The following FAM185A variants were observed in gnomAD, a reference collection of about 807,000 sequenced individuals.
FAM185A encodes the protein protein FAM185A.
FAM185A carries 21 observed loss-of-function variants against 45.7 expected under a neutral mutation model. The ratio of observed to expected loss-of-function variants is 0.46; its 90% CI spans 0.33 to 0.66. The LOEUF is 0.66. FAM185A is among the 30% of genes least tolerant of loss of function. The pLI is 0.03. For synonymous variants in FAM185A, 117 were observed against 194.0 expected, an observed-to-expected ratio of 0.60 and a Z score of 3.30; for missense variants, 305 against 485.4, an observed-to-expected ratio of 0.63 and a Z score of 3.49.
In FAM185A at chr7:102,808,828, A is replaced by G. The variant is rs1432544166; in HGVS notation, c.*426A>G. ...CTGGCTGTCAGCCAGCAATCACTCTAAGCTTCTAGAGGCCACCCACATGCC... is the reference window on the plus strand; with the variant it reads ...CTGGCTGTCAGCCAGCAATCACTCTGAGCTTCTAGAGGCCACCCACATGCC... On this transcript the variant is annotated 3_prime_UTR_variant, in exon 8 of 8. Coordinates refer to ENST00000413034, the MANE Select transcript of FAM185A (RefSeq NM_001145268.2). 5.9e-6 allele frequency: 1 copy of G among 170,206 alleles called. No homozygotes were observed. Among genetic ancestry groups the G allele is most frequent in the Non-Finnish European group, 1.3e-5 (1 of 79,068 alleles). 10.5% of individuals were successfully genotyped at this position (170,206 alleles called of 1,614,324 possible). A position where few individuals can be genotyped will look rare whatever the true frequency, so the allele number is the denominator to read the frequency against.
the FAM185A span, among the ~76,000 whole-genome samples, chr7:102,822,801 A>G: frequency 2.6e-5 from 4 of 152,212 alleles, no homozygotes; most frequent in African/African-American, 9.7e-5. Flanking sequence ...AGCAAGGCAC[A>G]GTGGCTCATG....
chr7:102,849,684 C>T, the FAM185A span, among the ~76,000 whole-genome samples: 1 of 152,164 alleles, frequency 6.6e-6, no homozygotes, highest in Non-Finnish European at 1.5e-5. Flanking sequence ...AAGTCACTTT[C>T]TCCTCCCCCG....
At chr7:102,765,528 C>T (rs538706806) in intron 4 of FAM185A, among the ~76,000 whole-genome samples, 8 of 151,598 alleles carry the variant, frequency 5.3e-5, no homozygotes, top group South Asian at 2.1e-4. Context: ...ATACTAGTGC[C>T]GAGTACTTAG....
intron 7 of FAM185A, among the ~76,000 whole-genome samples, chr7:102,793,304 C>T (rs774031936): frequency 3.3e-5 from 5 of 152,056 alleles, no homozygotes; most frequent in African/African-American, 4.8e-5. Context: ...CTCTGCCTCC[C>T]GGGTTCCAGG....
At position 102,779,487 on chromosome 7, in the gene FAM185A, C is replaced by T. The variant is rs181003101; in HGVS notation, c.931+2139C>T. Among the ~76,000 whole-genome samples the T allele has an allele frequency of 2.9e-3, 442 of 152,310 alleles. 2 individuals carry two copies. Among genetic ancestry groups the T allele is most frequent in the Non-Finnish European group, 5.1e-3 (347 of 68,016 alleles). On this transcript the variant is annotated intron_variant, in intron 6 of 7. Coordinates refer to ENST00000413034, the MANE Select transcript of FAM185A (RefSeq NM_001145268.2). ...AAGTTAGCACACTTGAAACTTGATA[C>T]ATTTAGACATATCAAGCCCTACAAA...
intron 7 of FAM185A, among the ~76,000 whole-genome samples, chr7:102,798,475 C>A (rs1459241620): frequency 1.1e-4 from 17 of 152,060 alleles, no homozygotes. Context: ...TGTTCTTTTT[C>A]TTGAGAGCAG....
chr7:102,799,486 T>C (rs900189100), intron 7 of FAM185A, among the ~76,000 whole-genome samples: 2 of 152,256 alleles, frequency 1.3e-5, no homozygotes, highest in African/African-American at 4.8e-5. Flanking sequence ...CTAGCACCTT[T>C]TCTTCAGCTG....
chr7:102,750,178 C>G (rs1290157151), intron 1 of FAM185A, among the ~76,000 whole-genome samples: 2 of 152,106 alleles, frequency 1.3e-5, no homozygotes, highest in Non-Finnish European at 2.9e-5. Context: ...CCATGAGTAG[C>G]AAGCTTTGAA....
At chr7:102,838,073 C>G in the FAM185A span, among the ~76,000 whole-genome samples, 25 of 152,184 alleles carry the variant, frequency 1.6e-4, no homozygotes, top group African/African-American at 5.8e-4. Flanking sequence ...TAAGCCCAGT[C>G]CTTCTTCTCA....
At chr7:102,822,536 A>T in the FAM185A span, 1 of 472,976 alleles carries the variant, frequency 2.1e-6, no homozygotes, top group Admixed American at 2.4e-5. Flanking sequence ...ACCTCTTCTA[A>T]ATCTGTTTAC....
At chr7:102,755,294 A>G in intron 2 of FAM185A, 1 of 547,212 alleles carries the variant, frequency 1.8e-6, no homozygotes, top group Admixed American at 3.2e-5. Context: ...CCCAAAAGAG[A>G]CCTCACCTGC....
chr7:102,835,154 C>T, the FAM185A span, among the ~76,000 whole-genome samples: 6 of 152,264 alleles, frequency 3.9e-5, no homozygotes, highest in South Asian at 1.0e-3. Flanking sequence ...ATTCTTTGAT[C>T]TCATGCAGAA....
chr7:102,789,674 C>T (rs571773300), intron 7 of FAM185A, among the ~76,000 whole-genome samples: 147 of 152,356 alleles, frequency 9.6e-4, no homozygotes, highest in Admixed American at 9.6e-3. Flanking sequence ...GCGCCACTGC[C>T]CTCCAGTCTG....
intron 1 of FAM185A, 69 bp from the exon 2 acceptor site, chr7:102,751,623 T>A (rs1793368162): frequency 6.9e-7 from 1 of 1,456,350 alleles, no homozygotes; most frequent in Admixed American, 2.6e-5. Context: ...GAGTTGGGTT[T>A]CTAGGTTAAA....
intron 6 of FAM185A, among the ~76,000 whole-genome samples, chr7:102,780,627 G>A (rs1482795648): frequency 3.9e-5 from 6 of 152,176 alleles, no homozygotes; most frequent in African/African-American, 9.7e-5. Flanking sequence ...CCTGTACTAC[G>A]ATGAGGTAGG....
In FAM185A at chr7:102,808,606, T is replaced by A. The variant is rs201411911; in HGVS notation, c.*204T>A. 2.4e-5 allele frequency: 13 copies of A among 543,414 alleles called. No homozygotes were observed. In the East Asian group the frequency reaches 4.1e-4, roughly 17 times the overall value. The allele number at this position is 543,414 out of a possible 1,614,324, so 33.7% of individuals were successfully genotyped here. A position where few individuals can be genotyped will look rare whatever the true frequency, so the allele number is the denominator to read the frequency against. Reference sequence around the variant, plus strand: ...GCTCTGTAACAAATTACCACAAATTTAGCAGCATAAAATAATACTCATTTA... The same window carrying A: ...GCTCTGTAACAAATTACCACAAATTAAGCAGCATAAAATAATACTCATTTA... On this transcript the variant is annotated 3_prime_UTR_variant, in exon 8 of 8. Transcript: ENST00000413034.
At chr7:102,824,511 T>A in the FAM185A span, among the ~76,000 whole-genome samples, 3 of 152,168 alleles carry the variant, frequency 2.0e-5, no homozygotes, top group South Asian at 2.1e-4. Context: ...TTCTTTTTTT[T>A]ATTTTGCTCT....
chr7:102,838,935 G>C, the FAM185A span, among the ~76,000 whole-genome samples: 1 of 152,180 alleles, frequency 6.6e-6, no homozygotes, highest in Non-Finnish European at 1.5e-5. Context: ...ACCCGTGAAG[G>C]GTCTGTGCTG....
At chr7:102,761,444 T>C (rs1458066686) in intron 4 of FAM185A, 33 bp downstream of exon 4, 1 of 1,423,436 alleles carries the variant, frequency 7.0e-7, no homozygotes, top group Non-Finnish European at 9.2e-7. Context: ...CATCTGAGAC[T>C]TTCCACATAG....
Sources: gnomAD v4.1 joint callset for allele counts (sites outside exome capture counted in the v4.1 genomes callset) on GRCh38, gnomAD v4.1.1 for gene constraint, MANE v1.5 for transcripts, NCBI Gene and HGNC (gene_info 2026-07-23, HGNC 2026-07-21) for gene names.